Variants in DARS1 observed in about 807,000 individuals in gnomAD.
DARS1 encodes the protein aspartate--tRNA ligase, cytoplasmic.
A neutral mutation model predicts 68.8 loss-of-function variants in DARS1; 51 were observed. The ratio of observed to expected loss-of-function variants is 0.74; its 90% CI spans 0.59 to 0.94. The LOEUF (loss-of-function observed/expected upper bound fraction) is 0.94, where lower values mean the gene tolerates loss of function less well. Ranked by LOEUF, DARS1 falls within the 40% of genes least tolerant of loss-of-function variation. The probability of loss-of-function intolerance (pLI) is 0.00; values close to 1 mark genes in which losing one functional copy is unlikely to be tolerated. For missense variants in DARS1, 607 were observed against 597.3 expected (o/e 1.02, Z -0.17); for synonymous variants, 203 against 190.4 (o/e 1.07, Z -0.55).
At chr2:135,918,106 A>G (rs1353425139) in intron 10 of DARS1, among the ~76,000 whole-genome samples, 1 of 152,032 alleles carries the variant, frequency 6.6e-6, no homozygotes, top group Non-Finnish European at 1.5e-5. Flanking sequence ...CTTTTAGTAG[A>G]GATGGGGTTT....
chr2:135,945,563 CA>C (rs1433992596), intron 4 of DARS1, among the ~76,000 whole-genome samples: 1 of 152,194 alleles, frequency 6.6e-6, no homozygotes, highest in Non-Finnish European at 1.5e-5. Flanking sequence ...TCTTCTTTCT[CA>C]TTCAAAAGTA....
intron 4 of DARS1, among the ~76,000 whole-genome samples, chr2:135,944,553 TTA>T (rs1180047052): frequency 1.3e-5 from 2 of 152,204 alleles, no homozygotes; most frequent in Non-Finnish European, 1.5e-5. Flanking sequence ...CTAGAAATCT[TTA>T]TGTCTGTTAC....
In DARS1 at chr2:135,906,052, A is replaced by G. The variant is rs1234403553; in HGVS notation, c.*1264T>C. Among the ~76,000 whole-genome samples the G allele has an allele frequency of 6.6e-6, 1 of 152,196 alleles. No homozygotes were observed. Among genetic ancestry groups the G allele is most frequent in the Admixed American group, 6.5e-5 (1 of 15,282 alleles). ...ATGAAATACTTTTGGGGTGCCTTCTATATTTAAGGTATTCTGGTAGGATAT... is the reference window on the plus strand; with the variant it reads ...ATGAAATACTTTTGGGGTGCCTTCTGTATTTAAGGTATTCTGGTAGGATAT... On this transcript the variant is annotated 3_prime_UTR_variant, in exon 16 of 16. Coordinates refer to ENST00000264161, the MANE Select transcript of DARS1 (RefSeq NM_001349.4).
chr2:135,977,305 A>G (rs563602245), intron 3 of DARS1, among the ~76,000 whole-genome samples: 8 of 152,384 alleles, frequency 5.2e-5, no homozygotes, highest in African/African-American at 1.7e-4. Context: ...ACAGATTGTA[A>G]GCACAAATCC....
At chr2:135,930,166 G>T (rs1254166168) in intron 7 of DARS1, among the ~76,000 whole-genome samples, 2 of 152,104 alleles carry the variant, frequency 1.3e-5, no homozygotes, top group African/African-American at 2.4e-5. Flanking sequence ...GGTCAAAGTA[G>T]GGTTCATTAG....
intron 11 of DARS1, 21 bp downstream of exon 11, chr2:135,916,205 A>G: frequency 6.6e-7 from 1 of 1,512,840 alleles, no homozygotes; most frequent in South Asian, 1.1e-5. Flanking sequence ...TTAAAGTAAA[A>G]AAAAAGCCAC....
rs60878223 is a variant in DARS1 at position 135,912,803 on chromosome 2, AT to A, written c.1150-238del. Among the ~76,000 whole-genome samples the A allele has an allele frequency of 8.8e-3, 1,313 of 148,400 alleles. 14 individuals are homozygous for A. The highest frequency in any genetic ancestry group is 0.028 in the African/African-American group (1,127 of 40,684). The stretch of plus-strand genomic sequence containing the variant: ...ATTACTTATTATCCATAGTTTTTAA[AT>A]TTTTTTTTTTTAAGAGATGGGGTCT... On this transcript the variant is annotated intron_variant, in intron 12 of 15. Transcript: ENST00000264161.
chr2:135,917,083 C>G (rs1223733995), intron 10 of DARS1, among the ~76,000 whole-genome samples: 1 of 151,968 alleles, frequency 6.6e-6, no homozygotes, highest in Non-Finnish European at 1.5e-5. Flanking sequence ...ATTGTTTGGG[C>G]CTGAGAGGTG....
At chr2:135,967,627 T>G (rs1002009128) in intron 3 of DARS1, among the ~76,000 whole-genome samples, 1 of 152,172 alleles carries the variant, frequency 6.6e-6, no homozygotes, top group Non-Finnish European at 1.5e-5. Flanking sequence ...ACACTGCCCT[T>G]AAGGAAAAAA....
chr2:135,952,499 C>T (rs1681860894), intron 4 of DARS1, among the ~76,000 whole-genome samples: 1 of 152,148 alleles, frequency 6.6e-6, no homozygotes, highest in African/African-American at 2.4e-5. Context: ...CAAGAGAACA[C>T]CAGAACTTAC....
chr2:135,927,059 T>C (rs1681234179), intron 7 of DARS1, among the ~76,000 whole-genome samples: 1 of 152,198 alleles, frequency 6.6e-6, no homozygotes, highest in South Asian at 2.1e-4. Context: ...AAGACACTCT[T>C]GCGTAGAACA....
intron 4 of DARS1, among the ~76,000 whole-genome samples, chr2:135,959,922 C>T (rs1316733550): frequency 6.6e-6 from 1 of 152,100 alleles, no homozygotes; most frequent in Non-Finnish European, 1.5e-5. Context: ...TTGAGGTTGA[C>T]TTTTTTCCAG....
At chr2:135,939,679 A>G (rs1391048631) in intron 5 of DARS1, among the ~76,000 whole-genome samples, 1 of 152,244 alleles carries the variant, frequency 6.6e-6, no homozygotes, top group Non-Finnish European at 1.5e-5. Context: ...TGAAGGAGAC[A>G]GAGACACAAA....
At chr2:135,950,592 A>G (rs1418702504) in intron 4 of DARS1, among the ~76,000 whole-genome samples, 1 of 152,258 alleles carries the variant, frequency 6.6e-6, no homozygotes, top group Non-Finnish European at 1.5e-5. Flanking sequence ...TAATAACAGA[A>G]GGGTGGTAGA....
chr2:135,968,712 A>C (rs999099573), intron 3 of DARS1, among the ~76,000 whole-genome samples: 2 of 126,482 alleles, frequency 1.6e-5, no homozygotes, highest in Admixed American at 9.9e-5. Context: ...CCCAGGCTGG[A>C]GTGTAGTGGT....
intron 8 of DARS1, among the ~76,000 whole-genome samples, chr2:135,924,116 G>A (rs1381033194): frequency 2.0e-5 from 3 of 152,190 alleles, no homozygotes; most frequent in Non-Finnish European, 4.4e-5. Context: ...AGTTCCTGGT[G>A]TAAGTTCTGT....
intron 4 of DARS1, among the ~76,000 whole-genome samples, chr2:135,947,409 G>GAAA (rs201907095): frequency 1.5e-5 from 1 of 67,700 alleles, no homozygotes; most frequent in Non-Finnish European, 3.3e-5. Flanking sequence ...CTCCATCTCA[G>GAAA]AAAAAAAAAA....
intron 4 of DARS1, 85 bp from the exon 5 acceptor site, chr2:135,943,565 T>C (rs2104819456): frequency 2.6e-6 from 4 of 1,534,618 alleles, no homozygotes; most frequent in Non-Finnish European, 3.5e-6. Flanking sequence ...AAGCTGAATA[T>C]GTTAAACTCT....
chr2:135,951,057 C>T (rs1289078824), intron 4 of DARS1, among the ~76,000 whole-genome samples: 3 of 152,162 alleles, frequency 2.0e-5, no homozygotes, highest in Non-Finnish European at 2.9e-5. Flanking sequence ...GAAAATGAGG[C>T]AGCCTGGGGG....
Sources: allele counts gnomAD v4.1 joint callset (sites outside exome capture counted in the v4.1 genomes callset), GRCh38; gene constraint gnomAD v4.1.1; transcripts MANE v1.5; gene names NCBI Gene and HGNC (gene_info 2026-07-23, HGNC 2026-07-21).